DIAPH1: variants seen among roughly 807,000 people sequenced by gnomAD.
The protein encoded by DIAPH1 is protein diaphanous homolog 1.
A neutral mutation model predicts 140.7 loss-of-function variants in DIAPH1; 46 were observed. The ratio of observed to expected loss-of-function variants is 0.33; its 90% CI spans 0.26 to 0.42. The LOEUF (loss-of-function observed/expected upper bound fraction) is 0.42, where lower values mean the gene tolerates loss of function less well. Among genes scored for constraint, DIAPH1 ranks in the 10% least tolerant of loss-of-function variants. DIAPH1 has a pLI of 1.00. For missense variants in DIAPH1, 1,310 were observed against 1,558.7 expected, an observed-to-expected ratio of 0.84 and a Z score of 2.69; for synonymous variants, 565 against 551.6, an observed-to-expected ratio of 1.02 and a Z score of -0.34.
At chr5:141,544,077 G>A (rs1385898492) in intron 18 of DIAPH1, among the ~76,000 whole-genome samples, 1 of 152,158 alleles carries the variant, frequency 6.6e-6, no homozygotes, top group Non-Finnish European at 1.5e-5. Flanking sequence ...TTGGGAGGCT[G>A]AGGCAGACAG....
At chr5:141,527,344 A>G (rs187853830) in intron 24 of DIAPH1, among the ~76,000 whole-genome samples, 1 of 152,266 alleles carries the variant, frequency 6.6e-6, no homozygotes. Context: ...TGAGTCCAAG[A>G]GGTCAAGGCT....
chr5:141,522,685 G>T (rs543045715), intron 27 of DIAPH1, among the ~76,000 whole-genome samples: 1 of 151,724 alleles, frequency 6.6e-6, no homozygotes, highest in South Asian at 2.1e-4. Context: ...AAATAATGTT[G>T]TAAGAACCTA....
At chr5:141,532,744 A>T (rs949991580) in intron 19 of DIAPH1, among the ~76,000 whole-genome samples, 7 of 152,204 alleles carry the variant, frequency 4.6e-5, no homozygotes, top group Non-Finnish European at 1.0e-4. Flanking sequence ...TAATCACTAA[A>T]TTCCATCTTC....
intron 19 of DIAPH1, among the ~76,000 whole-genome samples, chr5:141,533,879 A>C (rs114734906): frequency 0.047 from 7,105 of 151,972 alleles, 179 homozygotes; most frequent in Middle Eastern, 0.092. Context: ...TCTCTACAAA[A>C]AATTAGCTGA....
At chr5:141,594,090 C>T (rs917760983) in intron 1 of DIAPH1, among the ~76,000 whole-genome samples, 2 of 152,166 alleles carry the variant, frequency 1.3e-5, no homozygotes, top group Admixed American at 6.5e-5. Context: ...AGCCACCGCA[C>T]CCAGCCGAGC....
intron 18 of DIAPH1, among the ~76,000 whole-genome samples, chr5:141,548,909 T>C (rs1288266350): frequency 3.3e-5 from 5 of 152,180 alleles, no homozygotes; most frequent in African/African-American, 4.8e-5. Context: ...AGTATGTATA[T>C]TGTAATTTTT....
chr5:141,560,061 A>G (rs1295849396), intron 18 of DIAPH1, among the ~76,000 whole-genome samples: 1 of 152,216 alleles, frequency 6.6e-6, no homozygotes, highest in Non-Finnish European at 1.5e-5. Context: ...TTTTTAAAAA[A>G]TGCCATGAAA....
intron 18 of DIAPH1, among the ~76,000 whole-genome samples, chr5:141,543,756 TAATTC>T (rs1183659789): frequency 1.6e-4 from 24 of 152,350 alleles, no homozygotes; most frequent in African/African-American, 4.6e-4. Context: ...TTTCAGGACA[TAATTC>T]TATTGTAAGT....
At chr5:141,611,101 A>AAAAAGAAAAG (rs558835627) in intron 1 of DIAPH1, among the ~76,000 whole-genome samples, 1 of 151,858 alleles carries the variant, frequency 6.6e-6, no homozygotes, top group Non-Finnish European at 1.5e-5. Flanking sequence ...AAAAAAAGAA[A>AAAAAGAAAAG]AAAAGAAAAG....
chr5:141,527,149 T>C (rs1185930248), intron 24 of DIAPH1, among the ~76,000 whole-genome samples: 1 of 152,040 alleles, frequency 6.6e-6, no homozygotes, highest in African/African-American at 2.4e-5. Flanking sequence ...GTGGGACTTT[T>C]ATGGTTGATC....
intron 18 of DIAPH1, among the ~76,000 whole-genome samples, chr5:141,569,317 T>C (rs1363171274): frequency 6.6e-6 from 1 of 152,176 alleles, no homozygotes; most frequent in Non-Finnish European, 1.5e-5. Flanking sequence ...AGATGAAATA[T>C]TTACAAGGTT....
At chr5:141,593,281 T>C (rs968367433) in intron 1 of DIAPH1, among the ~76,000 whole-genome samples, 36 of 152,164 alleles carry the variant, frequency 2.4e-4, no homozygotes, top group Non-Finnish European at 3.7e-4. Flanking sequence ...AACCATGCCA[T>C]TGGGAAACTA....
chr5:141,531,707 C>T (rs1222551016), intron 19 of DIAPH1, among the ~76,000 whole-genome samples: 2 of 152,060 alleles, frequency 1.3e-5, no homozygotes, highest in Non-Finnish European at 2.9e-5. Context: ...AGGCTCGTCT[C>T]GAACTCCTGA....
intron 18 of DIAPH1, chr5:141,536,136 T>TA (rs1411358174): frequency 2.3e-5 from 9 of 391,582 alleles, no homozygotes; most frequent in East Asian, 8.1e-5. Context: ...CCTGTCTCTA[T>TA]AAAAAAAGTT....
chr5:141,536,520 T>C (rs921658152), intron 18 of DIAPH1, among the ~76,000 whole-genome samples: 1 of 151,964 alleles, frequency 6.6e-6, no homozygotes, highest in African/African-American at 2.4e-5. Context: ...GACCATTTAA[T>C]AGATAAAATA....
intron 18 of DIAPH1, among the ~76,000 whole-genome samples, chr5:141,536,956 G>C (rs2099889115): frequency 6.6e-6 from 1 of 152,020 alleles, no homozygotes; most frequent in South Asian, 2.1e-4. Flanking sequence ...GGTCACTTGA[G>C]TCCAGGTGTT....
chr5:141,552,304 C>A (rs934746407), intron 18 of DIAPH1, among the ~76,000 whole-genome samples: 7 of 152,118 alleles, frequency 4.6e-5, no homozygotes, highest in Non-Finnish European at 1.0e-4. Flanking sequence ...ATCCTCCCGC[C>A]TCAGCCTCCT....
rs1197415261 is a variant in DIAPH1, at chr5:141,565,986, C to T, written c.2482+5442G>A. 2.0e-5 allele frequency among the ~76,000 whole-genome samples: 3 copies of T among 151,988 alleles called. No homozygotes were observed. Among genetic ancestry groups the T allele is most frequent in the Admixed American group, 6.6e-5 (1 of 15,260 alleles). Reference sequence around the variant, plus strand: ...TAACCGGGATTGTGGTTTTGCCAATCGAGTATGAAATGAGAGAGATAATGG... The same window carrying T: ...TAACCGGGATTGTGGTTTTGCCAATTGAGTATGAAATGAGAGAGATAATGG... On this transcript the variant is annotated intron_variant, in intron 18 of 27. Transcript: ENST00000389054. The surrounding 1 kb of genome is among the most constrained non-coding windows in gnomAD (Gnocchi z 4.3).
At chr5:141,575,900 AC>A (rs1412604199) in intron 14 of DIAPH1, among the ~76,000 whole-genome samples, 1 of 152,080 alleles carries the variant, frequency 6.6e-6, no homozygotes, top group African/African-American at 2.4e-5. Flanking sequence ...TGCTCTAAGG[AC>A]CCCAGTTCCT....
Sources: gnomAD v4.1 joint callset for allele counts (sites outside exome capture counted in the v4.1 genomes callset) on GRCh38, gnomAD v4.1.1 for gene constraint, Gnocchi (gnomAD v3.1) non-coding constraint, MANE v1.5 for transcripts, NCBI Gene and HGNC (gene_info 2026-07-23, HGNC 2026-07-21) for gene names.